The following LIAS variants were observed in gnomAD, a reference collection of about 807,000 sequenced individuals.
LIAS encodes lipoyl synthase, mitochondrial.
In LIAS, 36 loss-of-function variants were observed where a neutral mutation model predicts 49.4. The ratio of observed to expected loss-of-function variants is 0.73; its 90% CI spans 0.56 to 0.96. LIAS has a LOEUF of 0.96. Ranked by LOEUF, LIAS falls within the 40% of genes least tolerant of loss-of-function variation. The probability of loss-of-function intolerance (pLI) is 0.00; values close to 1 mark genes in which losing one functional copy is unlikely to be tolerated. For synonymous variants in LIAS, 145 were observed against 155.8 expected (o/e 0.93, Z 0.52); for missense variants, 399 against 456.3 (o/e 0.87, Z 1.14).
At chr4:39,468,517 A>G (rs1436464071) in intron 7 of LIAS, 1 of 138,370 alleles carries the variant, frequency 7.2e-6, no homozygotes, top group African/African-American at 2.6e-5. Flanking sequence ...ATATATATAT[A>G]TATATTTTTT....
At chr4:39,472,893 CTG>C (rs1388463206) in intron 9 of LIAS, among the ~76,000 whole-genome samples, 1 of 152,162 alleles carries the variant, frequency 6.6e-6, no homozygotes, top group Non-Finnish European at 1.5e-5. Context: ...TTCCCTGTCT[CTG>C]TAATTCCCTG....
intron 10 of LIAS, 106 bp from the exon 11 acceptor site, chr4:39,476,955 CAA>C: frequency 1.4e-6 from 1 of 709,772 alleles, no homozygotes; most frequent in South Asian, 2.0e-5. Flanking sequence ...CCAATAAATA[CAA>C]AAGTCTTCTT....
In LIAS at chr4:39,479,193, G is replaced by C. The variant is rs1473390771; in HGVS notation, c.*2078G>C. 6.6e-6 allele frequency: 1 copy of C among 151,370 alleles called. No individual in the cohort carries two copies. The highest frequency in any genetic ancestry group is 2.4e-5 in the African/African-American group (1 of 41,032). 9.4% of individuals were successfully genotyped at this position (151,370 alleles called of 1,614,324 possible). A position where few individuals can be genotyped will look rare whatever the true frequency, so the allele number is the denominator to read the frequency against. On this transcript the variant is annotated 3_prime_UTR_variant, in exon 11 of 11. Transcript: ENST00000640888. ...TCACTGTACTCCAGCCTGGGTGACA[G>C]AGACCGTGTCTCAAAAAAAATTTTT...
chr4:39,461,407 A>G (rs16995296), intron 2 of LIAS, among the ~76,000 whole-genome samples: 25,584 of 152,208 alleles, frequency 0.17, 2,444 homozygotes, highest in African/African-American at 0.26. Context: ...CTTCTATATC[A>G]CAAGTGGATG....
At position 39,478,170 on chromosome 4, in the gene LIAS, C is replaced by T. The variant is rs560188040; in HGVS notation, c.*1055C>T. On this transcript the variant is annotated 3_prime_UTR_variant, in exon 11 of 11. Transcript: ENST00000640888. Reference sequence around the variant, plus strand: ...CGTAGATTGAAACTCATCAGATTAGCATTTGTCCTTGTAATATTGGAATAA... The same window carrying T: ...CGTAGATTGAAACTCATCAGATTAGTATTTGTCCTTGTAATATTGGAATAA... 6.6e-6 allele frequency: 1 copy of T among 152,286 alleles called. No homozygotes were observed. Among genetic ancestry groups the T allele is most frequent in the South Asian group, 2.1e-4 (1 of 4,816 alleles). The allele number at this position is 152,286 out of a possible 1,614,324, so 9.4% of individuals were successfully genotyped here.
intron 10 of LIAS, chr4:39,475,410 TAAAC>T (rs1745160328): frequency 7.5e-6 from 1 of 133,154 alleles, no homozygotes; most frequent in African/African-American, 2.9e-5. Context: ...AATAAATAAA[TAAAC>T]TAGGTATTTT....
intron 8 of LIAS, 95 bp downstream of exon 8, chr4:39,470,259 G>T: frequency 9.7e-7 from 1 of 1,034,190 alleles, no homozygotes; most frequent in South Asian, 1.9e-5. Flanking sequence ...ACAAAGAAAA[G>T]TATATGGTTA....
In LIAS at chr4:39,470,047, G is replaced by A; in HGVS notation, c.766G>A (p.Asp256Asn). 1 of 1,610,080 alleles carries A rather than the reference G, an allele frequency of 6.2e-7. No individual in the cohort carries two copies. Among genetic ancestry groups the A allele is most frequent in the Non-Finnish European group, 8.5e-7 (1 of 1,177,358 alleles). The part of the protein sequence containing the change: ...SKVRDPRANF[D>N]QSLRVLKHAK... ...GGTTCGTGATCCTCGGGCCAATTTT[G>A]ATCAGTCCCTACGTGTACTGAAACA... Residue 256 changes from aspartate to asparagine, a missense_variant, in exon 8 of 11, where the codon GAT becomes AAT. Asp to Asn is a conservative substitution (Grantham distance 23). Around this residue, in one of 3 missense-constraint regions of LIAS, gnomAD observed 234 missense variants for 292.2 expected, o/e 0.80. Transcript: ENST00000640888.
At chr4:39,459,963 AAAAAAAAAAG>A (rs1744375642) in intron 1 of LIAS, among the ~76,000 whole-genome samples, 1 of 151,902 alleles carries the variant, frequency 6.6e-6, no homozygotes. Flanking sequence ...CCATCTCAAA[AAAAAAAAAAG>A]AAAAAGAAAG....
intron 7 of LIAS, chr4:39,469,053 C>G (rs1437147397): frequency 6.6e-6 from 1 of 151,996 alleles, no homozygotes; most frequent in African/African-American, 2.4e-5. Flanking sequence ...GAAAAATGAA[C>G]ATTTTAAGCT....
intron 4 of LIAS, chr4:39,463,917 CAT>C (rs1211150379): frequency 3.8e-6 from 1 of 263,264 alleles, no homozygotes; most frequent in African/African-American, 2.2e-5. Context: ...TTCTGTTTAA[CAT>C]ATTCAACAAG....
In LIAS at chr4:39,470,170, G is replaced by C; in HGVS notation, c.883+6G>C. 6.2e-7 allele frequency: 1 copy of C among 1,604,290 alleles called. No individual in the cohort carries two copies. Among genetic ancestry groups the C allele is most frequent in the South Asian group, 1.1e-5 (1 of 90,166 alleles). On this transcript the variant is annotated splice_donor_region_variant and intron_variant, in intron 8 of 10. Transcript: ENST00000640888. ...AGTATATGCAACAATGAAAGGTAAA[G>C]AAATTGAAAAATGAAAAATCTTTCC...
intron 2 of LIAS, 120 bp downstream of exon 2, chr4:39,461,082 A>G: frequency 1.2e-6 from 1 of 814,782 alleles, no homozygotes; most frequent in Non-Finnish European, 1.9e-6. Context: ...GCTAAAAATC[A>G]TTAGAAAGAT....
chr4:39,460,755 C>T (rs1744440688), intron 1 of LIAS, 35 bp from the exon 2 acceptor site: 4 of 1,510,582 alleles, frequency 2.6e-6, no homozygotes, highest in Non-Finnish European at 2.7e-6. Flanking sequence ...TTACGGACTC[C>T]ACTAAATAAA....
intron 1 of LIAS, 39 bp downstream of exon 1, chr4:39,459,201 G>A (rs775825722): frequency 1.3e-6 from 2 of 1,595,168 alleles, no homozygotes; most frequent in Non-Finnish European, 1.7e-6. Context: ...GTGGGGTGGG[G>A]GGATCCTATC....
chr4:39,466,461 G>A lies in LIAS; in HGVS notation c.609-1057G>A, dbSNP rs979964557. 2.6e-5 allele frequency: 4 copies of A among 152,158 alleles called. No individual in the cohort carries two copies. In the South Asian group the frequency reaches 6.2e-4, roughly 24 times the overall value. The allele number at this position is 152,158 out of a possible 1,614,324, so 9.4% of individuals were successfully genotyped here. On this transcript the variant is annotated intron_variant, in intron 6 of 10. Transcript: ENST00000640888. The stretch of plus-strand genomic sequence containing the variant: ...GAACCAAGCACAGTGGTTCACGCCT[G>A]TAGTTCTAGCACTTTGGGAGGCCAA...
intron 10 of LIAS, chr4:39,475,717 G>A (rs1158867857): frequency 2.0e-5 from 3 of 152,084 alleles, no homozygotes; most frequent in Non-Finnish European, 4.4e-5. Flanking sequence ...ACAAAAATTA[G>A]CTGGGTGGCT....
At position 39,477,439 on chromosome 4, in the gene LIAS, G is replaced by C. The variant is rs1026569540; in HGVS notation, c.*324G>C. The C allele has an allele frequency of 2.8e-5, 6 of 214,132 alleles. No individual in the cohort carries two copies. Among genetic ancestry groups the C allele is most frequent in the Admixed American group, 6.2e-5 (1 of 16,014 alleles). The allele number at this position is 214,132 out of a possible 1,614,324, so 13.3% of individuals were successfully genotyped here. On this transcript the variant is annotated 3_prime_UTR_variant, in exon 11 of 11. Transcript: ENST00000640888. ...AGCTACTCGGGAGGCTAAGGCAGGAGAATCACTTGAACCTGGGAGGGGGAG... is the reference window on the plus strand; with the variant it reads ...AGCTACTCGGGAGGCTAAGGCAGGACAATCACTTGAACCTGGGAGGGGGAG...
At chr4:39,470,235 AG>A in intron 8 of LIAS, 71 bp downstream of exon 8, 1 of 1,350,782 alleles carries the variant, frequency 7.4e-7, no homozygotes, top group East Asian at 2.4e-5. Flanking sequence ...CTCACTTTGA[AG>A]GCCCTTCTAA....
Sources: allele counts gnomAD v4.1 joint callset (sites outside exome capture counted in the v4.1 genomes callset), GRCh38; gene constraint gnomAD v4.1.1; regional missense constraint gnomAD v4.1.1; transcripts MANE v1.5; gene names NCBI Gene and HGNC (gene_info 2026-07-23, HGNC 2026-07-21).